Variants in TENM4 observed in about 807,000 individuals in gnomAD.
TENM4 encodes teneurin transmembrane protein 4, also known as teneurin-4.
Under a neutral mutation model 243.3 loss-of-function variants are expected in TENM4, and 82 were observed. The ratio of observed to expected loss-of-function variants is 0.34; its 90% CI spans 0.28 to 0.40. The LOEUF (loss-of-function observed/expected upper bound fraction) is 0.40. TENM4 is among the 10% of genes least tolerant of loss of function. The pLI is 1.00. For synonymous variants in TENM4, 1,412 were observed against 1,456.3 expected (o/e 0.97, Z 0.69); for missense variants, 3,138 against 3,673.3 (o/e 0.85, Z 3.77).
chr11:79,372,072 C>T (rs1177332045), intron 1 of TENM4, among the ~76,000 whole-genome samples: 7 of 152,134 alleles, frequency 4.6e-5, no homozygotes, highest in African/African-American at 1.7e-4. Context: ...CTATCCCCCT[C>T]GTGTATAGAT....
chr11:78,864,655 G>A (rs1158038074), intron 9 of TENM4, among the ~76,000 whole-genome samples: 1 of 152,090 alleles, frequency 6.6e-6, no homozygotes, highest in Admixed American at 6.5e-5. Flanking sequence ...TTCCAGGCTT[G>A]GGCCTTGTCA....
intron 1 of TENM4, among the ~76,000 whole-genome samples, chr11:79,427,279 G>A (rs1859072750): frequency 6.6e-6 from 1 of 152,146 alleles, no homozygotes; most frequent in Admixed American, 6.6e-5. Flanking sequence ...TTCAAGTAAA[G>A]AAATTGGACT....
chr11:78,817,507 C>G (rs1225961241), intron 12 of TENM4, among the ~76,000 whole-genome samples: 3 of 152,228 alleles, frequency 2.0e-5, no homozygotes, highest in African/African-American at 7.2e-5. Flanking sequence ...CTGAAGATCT[C>G]TATTCTCCAT....
chr11:79,020,036 A>T (rs1858885817), intron 6 of TENM4, among the ~76,000 whole-genome samples: 1 of 152,192 alleles, frequency 6.6e-6, no homozygotes, highest in Non-Finnish European at 1.5e-5. Context: ...GCCACGGCTC[A>T]TTCATTTTCT....
intron 16 of TENM4, among the ~76,000 whole-genome samples, chr11:78,780,182 GA>G (rs375201223): frequency 1.1e-4 from 16 of 152,316 alleles, no homozygotes; most frequent in Admixed American, 3.9e-4. Context: ...GCCAAACAAT[GA>G]AAAATGGGGA....
At position 78,702,379 on chromosome 11, in the gene TENM4, A is replaced by C; in HGVS notation, c.4234T>G (p.Leu1412Val). 1 of 1,613,038 alleles carries C rather than the reference A, an allele frequency of 6.2e-7. No homozygotes were observed. Among genetic ancestry groups the C allele is most frequent in the Non-Finnish European group, 8.5e-7 (1 of 1,179,246 alleles). ...SQVHLEWPTD[L>V]AINPMDNSLY... is the part of the protein sequence containing the mutation. The stretch of plus-strand genomic sequence containing the variant: ...GAGTTGTCCATTGGGTTGATGGCTA[A>C]GTCTGTGGGCCACTCCAGGTGAACC... Residue 1412 changes from leucine to valine, a missense_variant, in exon 28 of 34, where the codon TTA (leucine) becomes GTA (valine). This residue lies in a region of TENM4 where 2,467 missense variants were observed against 3,059.1 expected (regional missense o/e 0.81). Coordinates refer to ENST00000278550, the MANE Select transcript of TENM4 (RefSeq NM_001098816.3).
At chr11:79,074,341 G>GC (rs1273049741) in intron 4 of TENM4, among the ~76,000 whole-genome samples, 2 of 152,032 alleles carry the variant, frequency 1.3e-5, no homozygotes, top group East Asian at 1.9e-4. Flanking sequence ...GTGACCTGGA[G>GC]CCCCCCGGCA....
At chr11:79,233,052 C>T (rs112723931) in intron 2 of TENM4, among the ~76,000 whole-genome samples, 16 of 152,324 alleles carry the variant, frequency 1.1e-4, no homozygotes, top group African/African-American at 3.1e-4. Flanking sequence ...ATGGGCAATG[C>T]AGGGTCAAGC....
rs547785976 is a variant in TENM4 at position 78,664,219 on chromosome 11, C to T, written c.7409-2628G>A. Among the ~76,000 whole-genome samples the T allele has an allele frequency of 8.5e-5, 13 of 152,266 alleles. No homozygotes were observed. The East Asian group carries it at 1.5e-3, about 18-fold the overall frequency. ...TGTTACCATTTGGTGGCAGTTATCG[C>T]GTGGCAGGAGCTATTCTAAGCTTAT... On this transcript the variant is annotated intron_variant, in intron 32 of 33. Transcript: ENST00000278550.
chr11:78,783,761 C>T (rs929277738), intron 16 of TENM4, among the ~76,000 whole-genome samples: 1 of 152,174 alleles, frequency 6.6e-6, no homozygotes, highest in African/African-American at 2.4e-5. Flanking sequence ...ATTCTGAAAA[C>T]CAACCTCTCT....
intron 4 of TENM4, among the ~76,000 whole-genome samples, chr11:79,102,428 C>T (rs965475719): frequency 2.5e-4 from 38 of 152,132 alleles, no homozygotes; most frequent in African/African-American, 8.0e-4. Flanking sequence ...AGCCACCCTT[C>T]GAAAAATATA....
chr11:78,661,098 T>G (rs1590919268), intron 33 of TENM4, among the ~76,000 whole-genome samples: 1 of 152,306 alleles, frequency 6.6e-6, no homozygotes, highest in South Asian at 2.1e-4. Flanking sequence ...TAAGGCCAGG[T>G]GCATTGAAGT....
intron 33 of TENM4, among the ~76,000 whole-genome samples, chr11:78,659,950 A>G (rs1306515389): frequency 4.6e-5 from 7 of 152,260 alleles, no homozygotes; most frequent in Non-Finnish European, 4.4e-5. Context: ...TCTGTGAACA[A>G]TTATTTCCTA....
chr11:78,995,791 C>T (rs781409489), intron 6 of TENM4, among the ~76,000 whole-genome samples: 2 of 151,462 alleles, frequency 1.3e-5, no homozygotes, highest in African/African-American at 2.4e-5. Flanking sequence ...TGGAGTTAGG[C>T]TGACCTGAGT....
intron 20 of TENM4, among the ~76,000 whole-genome samples, chr11:78,737,762 A>G (rs529592661): frequency 5.3e-5 from 8 of 152,336 alleles, no homozygotes; most frequent in African/African-American, 1.9e-4. Context: ...TTTATTGTAT[A>G]CTTACTATGT....
intron 2 of TENM4, among the ~76,000 whole-genome samples, chr11:79,279,043 T>A (rs1856109709): frequency 6.6e-6 from 1 of 152,120 alleles, no homozygotes; most frequent in South Asian, 2.1e-4. Flanking sequence ...CACAGGTGTT[T>A]ACACCTTTAG....
intron 1 of TENM4, among the ~76,000 whole-genome samples, chr11:79,369,311 C>T (rs1442762045): frequency 6.6e-6 from 1 of 152,184 alleles, no homozygotes; most frequent in African/African-American, 2.4e-5. Flanking sequence ...CCTGTCACCC[C>T]CTGAGTTAAG....
intron 1 of TENM4, among the ~76,000 whole-genome samples, chr11:79,397,581 G>C (rs990717492): frequency 3.3e-5 from 5 of 152,146 alleles, no homozygotes; most frequent in Admixed American, 2.6e-4. Context: ...TGCCACTCAT[G>C]GTCAAAAAGG....
intron 6 of TENM4, among the ~76,000 whole-genome samples, chr11:79,035,888 A>C (rs1424597110): frequency 6.6e-6 from 1 of 152,234 alleles, no homozygotes; most frequent in African/African-American, 2.4e-5. Flanking sequence ...AACCACTGTT[A>C]AATGTTGTAT....
Sources: allele counts gnomAD v4.1 joint callset (sites outside exome capture counted in the v4.1 genomes callset), GRCh38; gene constraint gnomAD v4.1.1; regional missense constraint gnomAD v4.1.1; transcripts MANE v1.5; gene names NCBI Gene and HGNC (gene_info 2026-07-23, HGNC 2026-07-21).